BZW2: variants seen among roughly 807,000 people sequenced by gnomAD.
The protein encoded by BZW2 is eIF5-mimic protein 1.
BZW2 carries 23 observed loss-of-function variants against 53.2 expected under a neutral mutation model. The observed-to-expected ratio is 0.43, with a 90% CI of 0.31 to 0.61. The LOEUF (loss-of-function observed/expected upper bound fraction) is 0.61, where lower values mean the gene tolerates loss of function less well. BZW2 is among the 20% of genes least tolerant of loss of function. The pLI, the probability that BZW2 is intolerant of heterozygous loss-of-function variation, is 0.09. For synonymous variants in BZW2, 227 were observed against 186.4 expected (o/e 1.22, Z -1.77); for missense variants, 409 against 503.1 (o/e 0.81, Z 1.79).
At chr7:16,677,201 G>A (rs904571565) in intron 3 of BZW2, among the ~76,000 whole-genome samples, 1 of 152,042 alleles carries the variant, frequency 6.6e-6, no homozygotes, top group Admixed American at 6.5e-5. Flanking sequence ...GTGCTCTCAG[G>A]CAATAGATGA....
In BZW2 at chr7:16,681,331, A is replaced by T. The variant is rs769904474; in HGVS notation, c.266A>T (p.Asp89Val). The T allele has an allele frequency of 2.5e-6, 4 of 1,613,960 alleles. No individual in the cohort carries two copies. In the East Asian group the frequency reaches 8.9e-5, roughly 36 times the overall value. ...GGAGGAACGCGCATAGATGATGGTG[A>T]CAAGACCAAGATGACCAACCACTGT... ...APGGTRIDDG[D>V]KTKMTNHCVF... Residue 89 changes from aspartate (D) to valine (V), a missense_variant, in exon 4 of 12, where the codon GAC becomes GTC. Around this residue, in one of 3 missense-constraint regions of BZW2, gnomAD observed 316 missense variants for 366.8 expected, o/e 0.86. Coordinates refer to ENST00000258761, the MANE Select transcript of BZW2 (RefSeq NM_014038.3).
chr7:16,691,810 G>T (rs1783316489), intron 7 of BZW2, among the ~76,000 whole-genome samples: 1 of 152,132 alleles, frequency 6.6e-6, no homozygotes, highest in African/African-American at 2.4e-5. Context: ...AGCTTAATTA[G>T]ATGGCTTCAT....
At chr7:16,681,452 ACT>A (rs754099323) in intron 4 of BZW2, 48 bp downstream of exon 4, 20 of 1,479,100 alleles carry the variant, frequency 1.4e-5, no homozygotes, top group Non-Finnish European at 1.8e-5. Flanking sequence ...ACTGAGGAAA[ACT>A]CTATAGAAGC....
At chr7:16,687,843 C>T (rs575082545) in intron 6 of BZW2, among the ~76,000 whole-genome samples, 23 of 152,226 alleles carry the variant, frequency 1.5e-4, no homozygotes, top group Admixed American at 1.1e-3. Flanking sequence ...AAAGTTAAAT[C>T]TCAGTTTTAG....
At chr7:16,650,481 G>A (rs1210574019) in intron 1 of BZW2, among the ~76,000 whole-genome samples, 1 of 152,166 alleles carries the variant, frequency 6.6e-6, no homozygotes, top group African/African-American at 2.4e-5. Flanking sequence ...TCAGGAGCAG[G>A]CCCAGGACAG....
Position 16,672,474 on chromosome 7 carries a change from A to G in BZW2, c.59-1938A>G, listed in dbSNP as rs1782631625. On this transcript the variant is annotated intron_variant, in intron 2 of 11. Transcript: ENST00000258761. Reference sequence around the variant, plus strand: ...AACTCTTTATTTATGAAATATTTTTATAGTATTCTCTTCCCTCCATCCCTC... The same window carrying G: ...AACTCTTTATTTATGAAATATTTTTGTAGTATTCTCTTCCCTCCATCCCTC... Among the ~76,000 whole-genome samples, 5 of 151,778 alleles carry G rather than the reference A, an allele frequency of 3.3e-5. 1 individual carries two copies. In the South Asian group the frequency reaches 1.0e-3, roughly 32 times the overall value.
In BZW2 at chr7:16,697,957, G is replaced by C. The variant is rs1041596850; in HGVS notation, c.970-91G>C. 3 of 1,495,700 alleles carry C rather than the reference G, an allele frequency of 2.0e-6. No individual in the cohort carries two copies. The African/African-American group carries it at 4.2e-5, about 21-fold the overall frequency. The allele number at this position is 1,495,700 out of a possible 1,614,324, so 92.7% of individuals were successfully genotyped here. A position where few individuals can be genotyped will look rare whatever the true frequency, so the allele number is the denominator to read the frequency against. ...AATCCTGAAAGTCAGTCTTTTCTAA[G>C]CAACCCTCCAGGTTACTGTTATAGT... is the stretch of plus-strand genomic sequence containing the variant. On this transcript the variant is annotated intron_variant, in intron 9 of 11. Coordinates refer to ENST00000258761, the MANE Select transcript of BZW2 (RefSeq NM_014038.3).
rs1233994824 is a variant in BZW2 at position 16,705,983 on chromosome 7, G to A, written c.1232-77G>A. 2.1e-5 allele frequency: 33 copies of A among 1,542,756 alleles called. No homozygotes were observed. In the East Asian group the frequency reaches 7.0e-4, roughly 33 times the overall value. ...TGCTGGTGCAATGGCAGGGTTCTGG[G>A]TTGGTGACTGTAGTAACTTTTGACC... On this transcript the variant is annotated intron_variant, in intron 11 of 11. Transcript: ENST00000258761.
At chr7:16,702,402 C>CT (rs530617902) in intron 10 of BZW2, among the ~76,000 whole-genome samples, 509 of 152,284 alleles carry the variant, frequency 3.3e-3, no homozygotes, top group Non-Finnish European at 5.7e-3. Context: ...CTGGGTTCTT[C>CT]TAAGAACTCC....
In BZW2 at chr7:16,694,971, G is replaced by A; in HGVS notation, c.789G>A (p.Gln263=). ...GGAAGGAACTGCAGAAGGAGCTCCA[G>A]GAGCGTCTTTCTCAGGAATGCCCGA... is the stretch of plus-strand genomic sequence containing the variant. ...GTRKELQKEL[Q]ERLSQECPIK... Residue 263 remains glutamine (Q), a synonymous_variant, in exon 8 of 12, where the codon CAG becomes CAA. Coordinates refer to ENST00000258761, the MANE Select transcript of BZW2 (RefSeq NM_014038.3). 6.3e-7 allele frequency: 1 copy of A among 1,591,138 alleles called. No homozygotes were observed. The highest frequency in any genetic ancestry group is 8.6e-7 in the Non-Finnish European group (1 of 1,162,114).
intron 1 of BZW2, among the ~76,000 whole-genome samples, chr7:16,648,379 A>G (rs944111625): frequency 2.6e-5 from 4 of 152,222 alleles, no homozygotes; most frequent in African/African-American, 9.6e-5. Flanking sequence ...GAGGACAGAA[A>G]GTAAGGGAAA....
At chr7:16,692,762 T>G (rs1783351544) in intron 7 of BZW2, among the ~76,000 whole-genome samples, 2 of 152,146 alleles carry the variant, frequency 1.3e-5, no homozygotes, top group South Asian at 4.1e-4. Flanking sequence ...AGACTCCGTC[T>G]CAAAACAAAA....
At chr7:16,659,923 C>A (rs538238652) in intron 1 of BZW2, among the ~76,000 whole-genome samples, 1 of 151,584 alleles carries the variant, frequency 6.6e-6, no homozygotes, top group Non-Finnish European at 1.5e-5. Context: ...CATATGTATA[C>A]AGGTGCCATG....
intron 5 of BZW2, among the ~76,000 whole-genome samples, chr7:16,684,160 C>A (rs924924958): frequency 3.5e-4 from 53 of 152,286 alleles, no homozygotes; most frequent in Admixed American, 2.9e-3. Flanking sequence ...GTAGGCATAA[C>A]TACATGTATT....
intron 9 of BZW2, 52 bp downstream of exon 9, chr7:16,697,113 T>TTTTTG: frequency 1.9e-6 from 3 of 1,569,772 alleles, no homozygotes; most frequent in Non-Finnish European, 2.6e-6. Flanking sequence ...CTGCAGCTTT[T>TTTTTG]TTTGTTTGTT....
intron 2 of BZW2, 141 bp from the exon 3 acceptor site, chr7:16,674,271 T>G (rs1161636558): frequency 8.8e-6 from 5 of 569,108 alleles, no homozygotes; most frequent in Non-Finnish European, 1.5e-5. Context: ...TGTTTATATT[T>G]GTATATTCTC....
intron 5 of BZW2, 21 bp downstream of exon 5, chr7:16,682,866 C>A: frequency 6.6e-7 from 1 of 1,505,962 alleles, no homozygotes; most frequent in Non-Finnish European, 9.1e-7. Flanking sequence ...AAATATAATG[C>A]CTATCTGTTT....
intron 2 of BZW2, among the ~76,000 whole-genome samples, chr7:16,670,317 T>A (rs980461521): frequency 3.3e-5 from 5 of 152,226 alleles, no homozygotes; most frequent in Non-Finnish European, 7.3e-5. Context: ...AGTTTTTAAG[T>A]TGTGTCTTAC....
chr7:16,649,187 C>G (rs550523191), intron 1 of BZW2, among the ~76,000 whole-genome samples: 1 of 152,144 alleles, frequency 6.6e-6, no homozygotes, highest in African/African-American at 2.4e-5. Context: ...TATTATTAAT[C>G]TGTTTGGTCC....
Sources: allele counts gnomAD v4.1 joint callset (sites outside exome capture counted in the v4.1 genomes callset), GRCh38; gene constraint gnomAD v4.1.1; regional missense constraint gnomAD v4.1.1; transcripts MANE v1.5; gene names NCBI Gene and HGNC (gene_info 2026-07-23, HGNC 2026-07-21).